Variants in LRRC20 observed in about 807,000 individuals in gnomAD.
LRRC20 encodes leucine-rich repeat-containing protein 20.
Under a neutral mutation model 14.4 loss-of-function variants are expected in LRRC20, and 11 were observed. The observed-to-expected ratio is 0.77, with a 90% CI of 0.48 to 1.27. The LOEUF is 1.27. Among genes scored for constraint, LRRC20 ranks in the 50% most tolerant of loss-of-function variants. LRRC20 has a pLI of 0.00. For synonymous variants in LRRC20, 121 were observed against 107.3 expected (o/e 1.13, Z -0.79); for missense variants, 219 against 251.2 (o/e 0.87, Z 0.87).
chr10:70,340,593 G>A lies in LRRC20; in HGVS notation c.192C>T (p.Ser64=), dbSNP rs367993352. ...ATGTGGTCATGAACTTGCTGGTGAG[G>A]GACTTAAGCTCGTTGTTAGCCAGGG... ...LITLANNELK[S]LTSKFMTTFS... The change falls in exon 3 of 5, where the codon TCC becomes TCT. Residue 64 remains serine (S), a synonymous_variant. Transcript: ENST00000446961. 27 of 1,614,074 alleles carry A rather than the reference G, an allele frequency of 1.7e-5. No homozygotes were observed. In the African/African-American group the frequency reaches 3.1e-4, roughly 18 times the overall value.
intron 3 of LRRC20, among the ~76,000 whole-genome samples, chr10:70,339,283 C>A (rs1330354665): frequency 6.6e-6 from 1 of 152,162 alleles, no homozygotes; most frequent in East Asian, 1.9e-4. Context: ...GAATGCTGGT[C>A]GTCTTTGTAC....
chr10:70,379,344 G>A (rs1177391366), intron 1 of LRRC20, among the ~76,000 whole-genome samples: 1 of 152,170 alleles, frequency 6.6e-6, no homozygotes, highest in African/African-American at 2.4e-5. Context: ...TAGCATCTTG[G>A]TGACTTGTTC....
chr10:70,310,064 AAT>A (rs1488379359), intron 4 of LRRC20, among the ~76,000 whole-genome samples: 1 of 152,228 alleles, frequency 6.6e-6, no homozygotes, highest in Non-Finnish European at 1.5e-5. Flanking sequence ...TCTTTCCCCT[AAT>A]TTAACCGCAA....
At position 70,314,744 on chromosome 10, in the gene LRRC20, A is replaced by G. The variant is rs115644871; in HGVS notation, c.400+9119T>C. On this transcript the variant is annotated intron_variant, in intron 4 of 4. Coordinates refer to ENST00000446961, the MANE Select transcript of LRRC20 (RefSeq NM_001278212.2). ...GTGAAAACTTTTGCACAGTACTTCCATTCTGGGTGCCACCCTCCCCTGACT... is the reference window on the plus strand; with the variant it reads ...GTGAAAACTTTTGCACAGTACTTCCGTTCTGGGTGCCACCCTCCCCTGACT... 8.7e-3 allele frequency among the ~76,000 whole-genome samples: 1,319 copies of G among 152,254 alleles called. 20 individuals are homozygous for G. Among genetic ancestry groups the G allele is most frequent in the African/African-American group, 0.031 (1,268 of 41,548 alleles).
intron 2 of LRRC20, among the ~76,000 whole-genome samples, chr10:70,368,901 G>T (rs764945623): frequency 3.3e-5 from 5 of 152,194 alleles, no homozygotes; most frequent in Admixed American, 6.5e-5. Flanking sequence ...AGGATTACAG[G>T]TGTGAGCTAC....
intron 4 of LRRC20, among the ~76,000 whole-genome samples, chr10:70,315,550 C>T (rs140410686): frequency 9.2e-5 from 14 of 152,290 alleles, no homozygotes; most frequent in Non-Finnish European, 1.9e-4. Flanking sequence ...TGATTCACAA[C>T]CCCGTTATTC....
intron 3 of LRRC20, among the ~76,000 whole-genome samples, chr10:70,328,519 A>G (rs564134308): frequency 2.0e-5 from 3 of 151,434 alleles, no homozygotes; most frequent in Admixed American, 6.6e-5. Flanking sequence ...CTAGTCTCGA[A>G]CTCCTGACCA....
intron 3 of LRRC20, among the ~76,000 whole-genome samples, chr10:70,324,696 C>T (rs942698188): frequency 1.1e-4 from 16 of 152,110 alleles, no homozygotes; most frequent in Admixed American, 7.9e-4. Flanking sequence ...TGGGCTGAAG[C>T]TGAATCTAGT....
At chr10:70,304,137 T>C (rs1483721790) in intron 4 of LRRC20, among the ~76,000 whole-genome samples, 2 of 152,084 alleles carry the variant, frequency 1.3e-5, no homozygotes, top group African/African-American at 2.4e-5. Flanking sequence ...CTAGGACGCT[T>C]GCCCTCGACG....
chr10:70,355,123 A>G (rs1843472147), intron 2 of LRRC20, among the ~76,000 whole-genome samples: 1 of 152,154 alleles, frequency 6.6e-6, no homozygotes, highest in South Asian at 2.1e-4. Context: ...ATGTCACTCA[A>G]TTTCCAAAGT....
At chr10:70,381,072 C>T (rs966398335) in intron 1 of LRRC20, among the ~76,000 whole-genome samples, 3 of 152,242 alleles carry the variant, frequency 2.0e-5, no homozygotes, top group Non-Finnish European at 4.4e-5. Context: ...TCTTACAAGG[C>T]TGTCCTCTGC....
chr10:70,320,929 C>A (rs1842054469), intron 4 of LRRC20, among the ~76,000 whole-genome samples: 1 of 152,132 alleles, frequency 6.6e-6, no homozygotes, highest in Non-Finnish European at 1.5e-5. Flanking sequence ...CAGCTCTATT[C>A]GGAAACAAGA....
intron 4 of LRRC20, among the ~76,000 whole-genome samples, chr10:70,305,317 T>C (rs1033524631): frequency 6.6e-6 from 1 of 152,196 alleles, no homozygotes; most frequent in African/African-American, 2.4e-5. Flanking sequence ...GCTAAGAACA[T>C]GAGTGCGCCA....
At chr10:70,345,619 A>G (rs1843046558) in intron 2 of LRRC20, among the ~76,000 whole-genome samples, 1 of 152,254 alleles carries the variant, frequency 6.6e-6, no homozygotes, top group Non-Finnish European at 1.5e-5. Flanking sequence ...TGAGAAGGAA[A>G]GGACGTAAGA....
At chr10:70,344,706 A>G (rs1485598029) in intron 2 of LRRC20, among the ~76,000 whole-genome samples, 2 of 152,124 alleles carry the variant, frequency 1.3e-5, no homozygotes, top group Non-Finnish European at 2.9e-5. Flanking sequence ...AGCTGGGACT[A>G]CAGGCACGTG....
At chr10:70,381,838 G>GT (rs1844718796) in intron 1 of LRRC20, 5 of 152,342 alleles carry the variant, frequency 3.3e-5, no homozygotes. Flanking sequence ...CTGGCGCCTT[G>GT]TTTTTGTGGC....
intron 4 of LRRC20, among the ~76,000 whole-genome samples, chr10:70,319,934 G>C (rs963941283): frequency 1.3e-5 from 2 of 152,198 alleles, no homozygotes; most frequent in Non-Finnish European, 2.9e-5. Context: ...GACACCTGCT[G>C]CTGTGTGTCT....
chr10:70,354,865 C>A (rs1353399611), intron 2 of LRRC20, among the ~76,000 whole-genome samples: 1 of 152,176 alleles, frequency 6.6e-6, no homozygotes, highest in Non-Finnish European at 1.5e-5. Flanking sequence ...TGGAGGCCGC[C>A]CTGGGCTGTA....
At chr10:70,306,127 T>TCTCC (rs1841414178) in intron 4 of LRRC20, among the ~76,000 whole-genome samples, 2 of 145,246 alleles carry the variant, frequency 1.4e-5, no homozygotes, top group South Asian at 4.4e-4. Context: ...TCTCTCTCTC[T>TCTCC]CCCCCACCCC....
Sources: gnomAD v4.1 joint callset for allele counts (sites outside exome capture counted in the v4.1 genomes callset) on GRCh38, gnomAD v4.1.1 for gene constraint, MANE v1.5 for transcripts, NCBI Gene and HGNC (gene_info 2026-07-23, HGNC 2026-07-21) for gene names.